The following NAPG variants were observed in gnomAD, a reference collection of about 807,000 sequenced individuals.
NAPG encodes gamma-soluble NSF attachment protein.
Under a neutral mutation model 48.4 loss-of-function variants are expected in NAPG, and 25 were observed. That is an observed-to-expected ratio of 0.52 (90% CI 0.38 to 0.72). The LOEUF (loss-of-function observed/expected upper bound fraction) is 0.72. NAPG is among the 30% of genes least tolerant of loss of function. The pLI is 0.00. For synonymous variants in NAPG, 139 were observed against 127.2 expected (o/e 1.09, Z -0.62); for missense variants, 359 against 372.5 (o/e 0.96, Z 0.30).
chr18:10,538,166 T>C (rs970633083), intron 5 of NAPG, among the ~76,000 whole-genome samples: 5 of 152,004 alleles, frequency 3.3e-5, no homozygotes, highest in African/African-American at 1.2e-4. Context: ...AGATTAATAG[T>C]AAGATACAGA....
chr18:10,533,487 T>G, intron 3 of NAPG, 49 bp from the exon 4 acceptor site: 1 of 1,535,904 alleles, frequency 6.5e-7, no homozygotes, highest in Middle Eastern at 1.7e-4. Context: ...ATAGAAACTA[T>G]TGATTTTTTT....
Position 10,548,513 on chromosome 18 carries a change from C to A in NAPG, c.665+135C>A. The A allele has an allele frequency of 4.6e-6, 3 of 656,026 alleles. No homozygotes were observed. Among genetic ancestry groups the A allele is most frequent in the South Asian group, 2.6e-5 (1 of 39,008 alleles). 40.6% of individuals were successfully genotyped at this position (656,026 alleles called of 1,614,324 possible). On this transcript the variant is annotated intron_variant, in intron 10 of 11. Coordinates refer to ENST00000322897, the MANE Select transcript of NAPG (RefSeq NM_003826.3). This position sits in a 1 kb window ranked among gnomAD's most constrained non-coding sequence, Gnocchi z 4.4. ...TCTTAGGAGTGCTCATCTACCATTTCATCTTTTACAGTGGGTGTTTTACAC... is the reference window on the plus strand; with the variant it reads ...TCTTAGGAGTGCTCATCTACCATTTAATCTTTTACAGTGGGTGTTTTACAC...
In NAPG at chr18:10,546,803, T is replaced by TC. The variant is rs1039241872; in HGVS notation, c.585+401dup. On this transcript the variant is annotated intron_variant, in intron 9 of 11. Transcript: ENST00000322897. This position sits in a 1 kb window ranked among gnomAD's most constrained non-coding sequence, Gnocchi z 4.0. ...CAGCAAAGGCTGCAACAATGAAAAC[T>TC]CCAAAAGAAACCCCGCCTTTCTAAC... Among the ~76,000 whole-genome samples, 1 of 152,050 alleles carries TC rather than the reference T, an allele frequency of 6.6e-6. No homozygotes were observed. The highest frequency in any genetic ancestry group is 1.5e-5 in the Non-Finnish European group (1 of 68,022).
chr18:10,545,492 A>G (rs2032244321), intron 8 of NAPG, among the ~76,000 whole-genome samples: 1 of 152,152 alleles, frequency 6.6e-6, no homozygotes, highest in African/African-American at 2.4e-5. Context: ...AGTTTCTCCC[A>G]TAACCGTGGA....
intron 5 of NAPG, among the ~76,000 whole-genome samples, chr18:10,538,564 A>G (rs2032082829): frequency 6.6e-6 from 1 of 152,200 alleles, no homozygotes; most frequent in African/African-American, 2.4e-5. Context: ...TTAAAGAATA[A>G]GAAGTGCTTA....
Position 10,534,395 on chromosome 18 carries a change from C to A in NAPG, c.228-71C>A. On this transcript the variant is annotated intron_variant, in intron 4 of 11. Transcript: ENST00000322897. This position sits in a 1 kb window ranked among gnomAD's most constrained non-coding sequence, Gnocchi z 5.0. The stretch of plus-strand genomic sequence containing the variant: ...GAAGTCACTTTCCTTACCAGTAGTT[C>A]CTCACCAGAAAGTTTCTTCTACCCC... 5 of 1,342,274 alleles carry A rather than the reference C, an allele frequency of 3.7e-6. No homozygotes were observed. Among genetic ancestry groups the A allele is most frequent in the Admixed American group, 1.7e-5 (1 of 58,586 alleles). 83.1% of individuals were successfully genotyped at this position (1,342,274 alleles called of 1,614,324 possible).
At chr18:10,529,825 T>G (rs553754) in intron 1 of NAPG, among the ~76,000 whole-genome samples, 84,546 of 152,016 alleles carry the variant, frequency 0.56, 24,785 homozygotes, top group African/African-American at 0.75. Flanking sequence ...TACTTCTGAG[T>G]GCTCATACAG....
chr18:10,534,472 T>A lies in NAPG; in HGVS notation c.234T>A (p.Tyr78Ter), dbSNP rs369364555. 1 of 1,612,896 alleles carries A rather than the reference T, an allele frequency of 6.2e-7. No homozygotes were observed. ...NRALFHAAKA[Y>*]EQAGMMLKEM... ...AATTATATTCTCTTTGCAGAGCTTA[T>A]GAGCAAGCTGGAATGATGTTGAAGG... The change falls in exon 5 of 12, where the codon TAT becomes TAA. Residue 78 changes from tyrosine to a stop codon, truncating the protein, a stop_gained. Transcript: ENST00000322897. LOFTEE classifies it high-confidence loss of function. The surrounding 1 kb of genome is among the most constrained non-coding windows in gnomAD (Gnocchi z 5.0).
chr18:10,534,563 A>C lies in NAPG; in HGVS notation c.258+67A>C. 6.6e-7 allele frequency: 1 copy of C among 1,510,878 alleles called. No homozygotes were observed. The highest frequency in any genetic ancestry group is 9.2e-7 in the Non-Finnish European group (1 of 1,088,502). The allele number at this position is 1,510,878 out of a possible 1,614,324, so 93.6% of individuals were successfully genotyped here. On this transcript the variant is annotated intron_variant, in intron 5 of 11. Coordinates refer to ENST00000322897, the MANE Select transcript of NAPG (RefSeq NM_003826.3). The surrounding 1 kb of genome is among the most constrained non-coding windows in gnomAD (Gnocchi z 5.0). ...ATTAACTACAAGGTGTTAAACAAGAATTTTTGTTGAAGTTGAAAAGCTTCC... is the reference window on the plus strand; with the variant it reads ...ATTAACTACAAGGTGTTAAACAAGACTTTTTGTTGAAGTTGAAAAGCTTCC...
At chr18:10,532,644 A>G (rs2031950746) in intron 2 of NAPG, 67 bp from the exon 3 acceptor site, 1 of 1,192,534 alleles carries the variant, frequency 8.4e-7, no homozygotes. Context: ...TATAAAATGC[A>G]GATTTCAGTA....
chr18:10,528,172 C>T (rs979056853), intron 1 of NAPG, among the ~76,000 whole-genome samples: 1 of 151,616 alleles, frequency 6.6e-6, no homozygotes, highest in Non-Finnish European at 1.5e-5. Flanking sequence ...GGAGACAGAG[C>T]AAGACTCTGT....
intron 11 of NAPG, 125 bp from the exon 12 acceptor site, chr18:10,549,952 T>A: frequency 2.0e-6 from 2 of 1,003,392 alleles, no homozygotes; most frequent in Non-Finnish European, 2.7e-6. Context: ...GCTTTGTTTT[T>A]CCATCTGAAT....
Position 10,550,989 on chromosome 18 carries a change from T to C in NAPG, c.*769T>C. 6.7e-6 allele frequency: 1 copy of C among 149,288 alleles called. No individual in the cohort carries two copies. The allele number at this position is 149,288 out of a possible 1,614,324, so 9.2% of individuals were successfully genotyped here. ...GAATACCTTTTTGTTTGTTTGTTTGTTTGTTTTGTTTTTTGTTTTTTTTTT... is the reference window on the plus strand; with the variant it reads ...GAATACCTTTTTGTTTGTTTGTTTGCTTGTTTTGTTTTTTGTTTTTTTTTT... On this transcript the variant is annotated 3_prime_UTR_variant, in exon 12 of 12. Coordinates refer to ENST00000322897, the MANE Select transcript of NAPG (RefSeq NM_003826.3).
chr18:10,537,286 ACAGT>A (rs1160082350), intron 5 of NAPG, among the ~76,000 whole-genome samples: 1 of 152,180 alleles, frequency 6.6e-6, no homozygotes, highest in African/African-American at 2.4e-5. Flanking sequence ...AATAATATAA[ACAGT>A]CAGTTAGTAC....
At chr18:10,526,241 G>A in intron 1 of NAPG, 83 bp downstream of exon 1, 3 of 787,644 alleles carry the variant, frequency 3.8e-6, no homozygotes, top group East Asian at 3.5e-5. Context: ...GGGGGGGGCG[G>A]GAGGGAGGGC....
rs1056098489 is a variant in NAPG at position 10,546,036 on chromosome 18, C to T, written c.507-290C>T. On this transcript the variant is annotated intron_variant, in intron 8 of 11. Transcript: ENST00000322897. The surrounding 1 kb of genome is among the most constrained non-coding windows in gnomAD (Gnocchi z 4.0). ...AGTACGTATCACGAAGAAGTCGTGA[C>T]ACTCGCTATTGGACAGTCCTTACTA... Among the ~76,000 whole-genome samples, 3 of 152,188 alleles carry T rather than the reference C, an allele frequency of 2.0e-5. No individual in the cohort carries two copies. Among genetic ancestry groups the T allele is most frequent in the Non-Finnish European group, 2.9e-5 (2 of 68,046 alleles).
intron 8 of NAPG, among the ~76,000 whole-genome samples, chr18:10,545,894 G>T (rs2032253012): frequency 6.6e-6 from 1 of 152,238 alleles, no homozygotes; most frequent in South Asian, 2.1e-4. Flanking sequence ...TGGGGCAGCA[G>T]CGGAGTATGT....
rs2032277988 is a variant in NAPG at position 10,546,877 on chromosome 18, T to C, written c.585+473T>C. 6.6e-6 allele frequency among the ~76,000 whole-genome samples: 1 copy of C among 152,160 alleles called. No individual in the cohort carries two copies. Among genetic ancestry groups the C allele is most frequent in the South Asian group, 2.1e-4 (1 of 4,832 alleles). Reference sequence around the variant, plus strand: ...TTGTTTTCCTCTCCTTTGGCTTTGCTCCAAGCTTGTCCCAGGCATGGAGCT... The same window carrying C: ...TTGTTTTCCTCTCCTTTGGCTTTGCCCCAAGCTTGTCCCAGGCATGGAGCT... On this transcript the variant is annotated intron_variant, in intron 9 of 11. Transcript: ENST00000322897. The surrounding 1 kb of genome is among the most constrained non-coding windows in gnomAD (Gnocchi z 4.0).
rs911315163 is a variant in NAPG, at chr18:10,534,902, G to T, written c.258+406G>T. The stretch of plus-strand genomic sequence containing the variant: ...TTTTTACTTATGTGAATAACAGTTG[G>T]CAGCAGAAACAACCACAGATTTAAG... On this transcript the variant is annotated intron_variant, in intron 5 of 11. Transcript: ENST00000322897. The surrounding 1 kb of genome is among the most constrained non-coding windows in gnomAD (Gnocchi z 5.0). Among the ~76,000 whole-genome samples the T allele has an allele frequency of 6.6e-6, 1 of 152,188 alleles. No homozygotes were observed. The highest frequency in any genetic ancestry group is 2.4e-5 in the African/African-American group (1 of 41,440).
Sources: gnomAD v4.1 joint callset for allele counts (sites outside exome capture counted in the v4.1 genomes callset) on GRCh38, gnomAD v4.1.1 for gene constraint, Gnocchi (gnomAD v3.1) non-coding constraint, MANE v1.5 for transcripts, NCBI Gene and HGNC (gene_info 2026-07-23, HGNC 2026-07-21) for gene names.